Variants in ROBO2 observed in about 807,000 individuals in gnomAD.
The protein encoded by ROBO2 is roundabout homolog 2.
In ROBO2, 53 loss-of-function variants were observed where a neutral mutation model predicts 160.8. The ratio of observed to expected loss-of-function variants is 0.33; its 90% CI spans 0.26 to 0.41. The LOEUF is 0.41. ROBO2 is among the 10% of genes least tolerant of loss of function. The probability of loss-of-function intolerance (pLI) is 1.00; values close to 1 mark genes in which losing one functional copy is unlikely to be tolerated. For synonymous variants in ROBO2, 664 were observed against 611.7 expected (o/e 1.09, Z -1.26); for missense variants, 1,577 against 1,722.4 (o/e 0.92, Z 1.49).
intron 2 of ROBO2, among the ~76,000 whole-genome samples, chr3:76,922,216 CAGG>C (rs2076710150): frequency 6.6e-6 from 1 of 152,110 alleles, no homozygotes; most frequent in Non-Finnish European, 1.5e-5. Flanking sequence ...GAGGCTGAGG[CAGG>C]AGAATGGTGT....
chr3:77,553,594 A>G (rs1396607751), intron 8 of ROBO2, among the ~76,000 whole-genome samples: 1 of 151,986 alleles, frequency 6.6e-6, no homozygotes, highest in Non-Finnish European at 1.5e-5. Context: ...AGGAAAGTAA[A>G]AGTGCTACTC....
intron 2 of ROBO2, among the ~76,000 whole-genome samples, chr3:77,026,890 A>G (rs745420815): frequency 3.9e-5 from 6 of 152,226 alleles, no homozygotes; most frequent in Non-Finnish European, 7.3e-5. Flanking sequence ...ACCAATCTAC[A>G]AATAGGTACA....
chr3:76,781,938 G>A (rs1223916401), intron 2 of ROBO2, among the ~76,000 whole-genome samples: 3 of 150,686 alleles, frequency 2.0e-5, no homozygotes, highest in African/African-American at 4.8e-5. Context: ...AGAAGATCTG[G>A]CATTAATTCT....
At chr3:76,485,691 G>T (rs1358502906) in intron 2 of ROBO2, among the ~76,000 whole-genome samples, 1 of 152,004 alleles carries the variant, frequency 6.6e-6, no homozygotes, top group Non-Finnish European at 1.5e-5. Context: ...CACAGGTAAG[G>T]GTTGCTGTTT....
At chr3:75,977,948 A>G (rs1212258014) in intron 2 of ROBO2, among the ~76,000 whole-genome samples, 1 of 151,566 alleles carries the variant, frequency 6.6e-6, no homozygotes, top group Non-Finnish European at 1.5e-5. Flanking sequence ...CTATCCTAAA[A>G]CCAACTCAAT....
chr3:75,997,545 T>A (rs960319776), intron 2 of ROBO2, among the ~76,000 whole-genome samples: 3 of 125,868 alleles, frequency 2.4e-5, no homozygotes, highest in Non-Finnish European at 4.7e-5. Flanking sequence ...CAGGCTGGGG[T>A]GCAGTAGTGC....
At chr3:76,251,634 T>G (rs1706007275) in intron 2 of ROBO2, among the ~76,000 whole-genome samples, 1 of 152,112 alleles carries the variant, frequency 6.6e-6, no homozygotes, top group South Asian at 2.1e-4. Context: ...AGCATCCTCT[T>G]TTGGAGTTGC....
At chr3:76,922,520 C>T (rs2076732804) in intron 2 of ROBO2, among the ~76,000 whole-genome samples, 1 of 152,160 alleles carries the variant, frequency 6.6e-6, no homozygotes, top group Admixed American at 6.5e-5. Flanking sequence ...ATTTTTGTTC[C>T]TTAAGCAGAA....
At chr3:76,110,911 T>C (rs992541288) in intron 2 of ROBO2, among the ~76,000 whole-genome samples, 1 of 152,174 alleles carries the variant, frequency 6.6e-6, no homozygotes, top group Non-Finnish European at 1.5e-5. Context: ...TATTTTTTTC[T>C]CTTTTCAATC....
intron 2 of ROBO2, among the ~76,000 whole-genome samples, chr3:76,221,497 C>A (rs1703963995): frequency 6.6e-6 from 1 of 152,126 alleles, no homozygotes; most frequent in South Asian, 2.1e-4. Flanking sequence ...GTGAGCAGTG[C>A]CACTCTCATT....
At chr3:76,824,063 A>T (rs1428108826) in intron 2 of ROBO2, among the ~76,000 whole-genome samples, 1 of 152,080 alleles carries the variant, frequency 6.6e-6, no homozygotes, top group East Asian at 1.9e-4. Flanking sequence ...TTGTGCCACC[A>T]CCCTTTAGGG....
chr3:76,782,563 T>C (rs1474924027), intron 2 of ROBO2, among the ~76,000 whole-genome samples: 1 of 150,838 alleles, frequency 6.6e-6, no homozygotes, highest in Non-Finnish European at 1.5e-5. Context: ...TGCTCTAATA[T>C]TGAGTGCACA....
intron 2 of ROBO2, among the ~76,000 whole-genome samples, chr3:76,024,459 G>A (rs2107676967): frequency 6.6e-6 from 1 of 151,352 alleles, no homozygotes; most frequent in South Asian, 2.1e-4. Flanking sequence ...CAAGTAGTTA[G>A]TTTCTGAATT....
chr3:75,963,343 C>T (rs1948992457), intron 2 of ROBO2, among the ~76,000 whole-genome samples: 1 of 151,708 alleles, frequency 6.6e-6, no homozygotes, highest in Admixed American at 6.6e-5. Context: ...TGTGCCACCA[C>T]ACCCAGCTTT....
chr3:77,044,170 A>T (rs2064383668), intron 1 of ROBO2, among the ~76,000 whole-genome samples: 1 of 152,160 alleles, frequency 6.6e-6, no homozygotes, highest in Non-Finnish European at 1.5e-5. Context: ...ATATTGTAAA[A>T]AAAAAAAGTA....
intron 2 of ROBO2, among the ~76,000 whole-genome samples, chr3:76,234,829 A>G (rs34423460): frequency 0.68 from 104,003 of 152,002 alleles, 39,163 homozygotes; most frequent in Non-Finnish European, 0.86. Flanking sequence ...TGGAGTGTTT[A>G]TCCTATGCCT....
intron 21 of ROBO2, among the ~76,000 whole-genome samples, chr3:77,613,805 T>C (rs1469327301): frequency 6.6e-6 from 1 of 152,128 alleles, no homozygotes; most frequent in Non-Finnish European, 1.5e-5. Context: ...CTAAAATAAA[T>C]TAGTCAAGAG....
At chr3:75,911,370 C>T (rs1431427322) in intron 1 of ROBO2, among the ~76,000 whole-genome samples, 1 of 152,052 alleles carries the variant, frequency 6.6e-6, no homozygotes, top group Non-Finnish European at 1.5e-5. Context: ...TCAGTTGCTT[C>T]TTGTGTAAAA....
intron 2 of ROBO2, among the ~76,000 whole-genome samples, chr3:76,488,600 A>G (rs1362472345): frequency 6.6e-6 from 1 of 152,134 alleles, no homozygotes; most frequent in African/African-American, 2.4e-5. Context: ...CTCATGTGAT[A>G]AGGTCCATCC....
Sources: gnomAD v4.1 joint callset for allele counts (sites outside exome capture counted in the v4.1 genomes callset) on GRCh38, gnomAD v4.1.1 for gene constraint, MANE v1.5 for transcripts, NCBI Gene and HGNC (gene_info 2026-07-23, HGNC 2026-07-21) for gene names.